ROBO2: variants seen among roughly 807,000 people sequenced by gnomAD.
The protein encoded by ROBO2 is roundabout guidance receptor 2.
Under a neutral mutation model 160.8 loss-of-function variants are expected in ROBO2, and 53 were observed. The ratio of observed to expected loss-of-function variants is 0.33; its 90% CI spans 0.26 to 0.41. The LOEUF is 0.41. Ranked by LOEUF, ROBO2 falls within the 10% of genes least tolerant of loss-of-function variation. The probability of loss-of-function intolerance (pLI) is 1.00; values close to 1 mark genes in which losing one functional copy is unlikely to be tolerated. For missense variants in ROBO2, 1,577 were observed against 1,722.4 expected, an observed-to-expected ratio of 0.92 and a Z score of 1.49; for synonymous variants, 664 against 611.7, an observed-to-expected ratio of 1.09 and a Z score of -1.26.
intron 2 of ROBO2, among the ~76,000 whole-genome samples, chr3:76,538,617 TG>T (rs1269093399): frequency 6.6e-6 from 1 of 152,182 alleles, no homozygotes; most frequent in Non-Finnish European, 1.5e-5. Flanking sequence ...CTGGGGTACA[TG>T]TTGTGCAGGA....
rs138863943 is a variant in ROBO2 at position 76,784,325 on chromosome 3, A to G, written c.110-313689A>G. 5.5e-3 allele frequency among the ~76,000 whole-genome samples: 833 copies of G among 151,182 alleles called. 5 individuals carry two copies. The highest frequency in any genetic ancestry group is 0.016 in the South Asian group (77 of 4,818). ...GGAGGGCTTGTAGATCTTTCCCATGAGTATATCTGCTCCACTTCTCTTGTT... is the reference window on the plus strand; with the variant it reads ...GGAGGGCTTGTAGATCTTTCCCATGGGTATATCTGCTCCACTTCTCTTGTT... On this transcript the variant is annotated intron_variant, in intron 2 of 26. Coordinates refer to the ROBO2 transcript ENST00000487694.
At chr3:76,798,057 A>G (rs2063831069) in intron 2 of ROBO2, among the ~76,000 whole-genome samples, 1 of 151,004 alleles carries the variant, frequency 6.6e-6, no homozygotes, top group Admixed American at 6.6e-5. Context: ...CTCATTCTAC[A>G]AGGTCAGTAT....
intron 2 of ROBO2, among the ~76,000 whole-genome samples, chr3:76,769,802 A>G (rs2061780173): frequency 6.6e-6 from 1 of 151,392 alleles, no homozygotes; most frequent in Admixed American, 6.6e-5. Flanking sequence ...TATTGAAGGT[A>G]CATGTTCTTT....
chr3:77,414,063 G>T (rs2077015639), intron 2 of ROBO2, among the ~76,000 whole-genome samples: 1 of 151,698 alleles, frequency 6.6e-6, no homozygotes, highest in Admixed American at 6.6e-5. Context: ...AGATTAAGAA[G>T]ATGGAGAGGA....
At chr3:77,082,552 T>C (rs529402394) in intron 1 of ROBO2, among the ~76,000 whole-genome samples, 1 of 152,180 alleles carries the variant, frequency 6.6e-6, no homozygotes, top group South Asian at 2.1e-4. Context: ...TGATTGTTGA[T>C]GAACTTTAGA....
chr3:77,336,871 C>T (rs2066550173), intron 2 of ROBO2, among the ~76,000 whole-genome samples: 1 of 151,972 alleles, frequency 6.6e-6, no homozygotes, highest in South Asian at 2.1e-4. Flanking sequence ...TTCCCAAGGC[C>T]AAAAACAAAG....
intron 2 of ROBO2, among the ~76,000 whole-genome samples, chr3:76,736,919 G>A (rs1280044011): frequency 1.3e-5 from 2 of 152,122 alleles, no homozygotes; most frequent in Non-Finnish European, 2.9e-5. Flanking sequence ...TAAAATATGT[G>A]AGGCAGAAAA....
intron 7 of ROBO2, 84 bp from the exon 9 acceptor site, chr3:77,550,734 T>G: frequency 7.3e-7 from 1 of 1,375,350 alleles, no homozygotes. Context: ...TTTCCCACTG[T>G]ATTCCTTAAT....
At chr3:76,802,409 T>C (rs1050213346) in intron 2 of ROBO2, among the ~76,000 whole-genome samples, 1 of 152,144 alleles carries the variant, frequency 6.6e-6, no homozygotes, top group Non-Finnish European at 1.5e-5. Flanking sequence ...TTGGAGATAA[T>C]GGGGTCCTTA....
At chr3:77,506,118 A>T (rs1307957299) in intron 5 of ROBO2, among the ~76,000 whole-genome samples, 1 of 152,166 alleles carries the variant, frequency 6.6e-6, no homozygotes, top group Non-Finnish European at 1.5e-5. Context: ...CTCTAATATT[A>T]AAAGCTTGTG....
At chr3:76,317,189 T>C (rs1444903266) in intron 2 of ROBO2, among the ~76,000 whole-genome samples, 3 of 152,242 alleles carry the variant, frequency 2.0e-5, no homozygotes, top group Non-Finnish European at 2.9e-5. Flanking sequence ...ACTTAATAGA[T>C]GCTTAATAAA....
intron 2 of ROBO2, among the ~76,000 whole-genome samples, chr3:75,991,195 G>A (rs2065557612): frequency 6.6e-6 from 1 of 151,900 alleles, no homozygotes; most frequent in Non-Finnish European, 1.5e-5. Context: ...ATTTATTATT[G>A]GTAAATTTCT....
intron 17 of ROBO2, among the ~76,000 whole-genome samples, chr3:77,590,325 A>G (rs1331829701): frequency 1.3e-5 from 2 of 152,102 alleles, no homozygotes; most frequent in Non-Finnish European, 2.9e-5. Context: ...TTGTCACCCA[A>G]GTGCTATATC....
At position 77,427,963 on chromosome 3, in the gene ROBO2, A is replaced by G. The variant is rs536061269; in HGVS notation, c.389-49451A>G. ...GCAACCATTAGCCATTTCTTTTCAC[A>G]GAGTTGAGCTGAGCTGGTTTTTCAT... On this transcript the variant is annotated intron_variant, in intron 2 of 25. Coordinates refer to ENST00000461745, the Ensembl canonical transcript of ROBO2. 6.0e-4 allele frequency among the ~76,000 whole-genome samples: 91 copies of G among 152,326 alleles called. 2 individuals are homozygous for G. In the South Asian group the frequency reaches 0.019, roughly 32 times the overall value.
chr3:76,502,987 GAT>G (rs72456914), intron 2 of ROBO2, among the ~76,000 whole-genome samples: 19,594 of 144,704 alleles, frequency 0.14, 1,902 homozygotes, highest in African/African-American at 0.26. Flanking sequence ...GAACTAACAG[GAT>G]ATATATATAT....
chr3:77,566,806 T>C (rs1359760725), intron 12 of ROBO2, among the ~76,000 whole-genome samples: 2 of 152,082 alleles, frequency 1.3e-5, no homozygotes, highest in Admixed American at 6.6e-5. Context: ...CCACGTGTTG[T>C]GTCTGAAGGT....
At chr3:76,258,834 A>AT (rs1706560821) in intron 2 of ROBO2, among the ~76,000 whole-genome samples, 1 of 151,816 alleles carries the variant, frequency 6.6e-6, no homozygotes, top group African/African-American at 2.4e-5. Flanking sequence ...TTTCTCCCTT[A>AT]TTTTTTTCTA....
At chr3:77,218,194 G>A (rs971695029) in intron 2 of ROBO2, among the ~76,000 whole-genome samples, 1 of 151,998 alleles carries the variant, frequency 6.6e-6, no homozygotes, top group East Asian at 1.9e-4. Context: ...ACTGGACTGG[G>A]TATTAAAAAG....
chr3:76,926,635 C>G (rs546885572), intron 2 of ROBO2, among the ~76,000 whole-genome samples: 5 of 152,298 alleles, frequency 3.3e-5, no homozygotes, highest in South Asian at 2.1e-4. Flanking sequence ...ATTGACAACA[C>G]TAGGTAGTAA....
Sources: allele counts gnomAD v4.1 joint callset (sites outside exome capture counted in the v4.1 genomes callset), GRCh38; gene constraint gnomAD v4.1.1; transcripts MANE v1.5; gene names NCBI Gene and HGNC (gene_info 2026-07-23, HGNC 2026-07-21).